Variants in MAP4K3 observed in about 807,000 individuals in gnomAD.
MAP4K3 encodes the protein MAPK/ERK kinase kinase kinase 3.
In MAP4K3, 94 loss-of-function variants were observed where a neutral mutation model predicts 143.5. The ratio of observed to expected loss-of-function variants is 0.65; its 90% confidence interval spans 0.55 to 0.78. The LOEUF (loss-of-function observed/expected upper bound fraction) is 0.78. Among genes scored for constraint, MAP4K3 ranks in the 30% least tolerant of loss-of-function variants. The pLI, the probability that MAP4K3 is intolerant of heterozygous loss-of-function variation, is 0.00. For missense variants in MAP4K3, 1,077 were observed against 1,068.1 expected (o/e 1.01, Z -0.12); for synonymous variants, 416 against 347.2 (o/e 1.20, Z -2.20).
intron 2 of MAP4K3, among the ~76,000 whole-genome samples, chr2:39,374,333 C>A (rs1666161339): frequency 6.6e-6 from 1 of 151,916 alleles, no homozygotes; most frequent in Non-Finnish European, 1.5e-5. Flanking sequence ...ACACCACTGC[C>A]TGGGTGACAG....
intron 2 of MAP4K3, among the ~76,000 whole-genome samples, chr2:39,368,001 G>T (rs1665970995): frequency 6.6e-6 from 1 of 152,124 alleles, no homozygotes. Context: ...GGCTTAACTT[G>T]AGCTTCCTGA....
At chr2:39,420,099 T>A (rs1667505391) in intron 1 of MAP4K3, among the ~76,000 whole-genome samples, 1 of 152,216 alleles carries the variant, frequency 6.6e-6, no homozygotes, top group South Asian at 2.1e-4. Flanking sequence ...AGAGAGATTC[T>A]AAGTCACCTA....
chr2:39,413,041 G>A (rs1470950783), intron 1 of MAP4K3, among the ~76,000 whole-genome samples: 2 of 152,142 alleles, frequency 1.3e-5, no homozygotes, highest in Admixed American at 6.5e-5. Flanking sequence ...AGTGACTAAC[G>A]AGGAGAAACC....
intron 13 of MAP4K3, among the ~76,000 whole-genome samples, chr2:39,310,170 T>C (rs1273541807): frequency 6.6e-6 from 1 of 152,256 alleles, no homozygotes; most frequent in Non-Finnish European, 1.5e-5. Flanking sequence ...TTAATTTCCC[T>C]ACTCTGCTAC....
At chr2:39,322,328 T>G (rs1257379524) in intron 12 of MAP4K3, among the ~76,000 whole-genome samples, 1 of 152,174 alleles carries the variant, frequency 6.6e-6, no homozygotes, top group Non-Finnish European at 1.5e-5. Context: ...GAGAACAGTT[T>G]TACCTTCCCG....
At chr2:39,425,113 A>AC (rs561561923) in intron 1 of MAP4K3, among the ~76,000 whole-genome samples, 3 of 134,940 alleles carry the variant, frequency 2.2e-5, no homozygotes, top group Admixed American at 7.7e-5. Flanking sequence ...ACTCCCCACC[A>AC]CCCCCCCAGC....
At chr2:39,436,242 C>G (rs1665470200) in intron 1 of MAP4K3, among the ~76,000 whole-genome samples, 1 of 151,078 alleles carries the variant, frequency 6.6e-6, no homozygotes, top group African/African-American at 2.4e-5. Context: ...CCTAAGTATT[C>G]AAGTCACTTT....
In MAP4K3 at chr2:39,251,816, G is replaced by C. The variant is rs1047913202; in HGVS notation, c.2597+14C>G. On this transcript the variant is annotated intron_variant, in intron 33 of 33. Coordinates refer to ENST00000263881, the MANE Select transcript of MAP4K3 (RefSeq NM_003618.4). ...CGTTTAGTACTGTGTATTTAATACA[G>C]TCCGTTTTCATACCTGTCAGATCCA... is the stretch of plus-strand genomic sequence containing the variant. 4 of 1,610,562 alleles carry C rather than the reference G, an allele frequency of 2.5e-6. No homozygotes were observed. The highest frequency in any genetic ancestry group is 1.7e-4 in the Middle Eastern group (1 of 6,002).
intron 23 of MAP4K3, among the ~76,000 whole-genome samples, chr2:39,278,936 C>G (rs1681392412): frequency 6.6e-6 from 1 of 152,146 alleles, no homozygotes; most frequent in African/African-American, 2.4e-5. Context: ...AATCTGACCA[C>G]AGTCTATTAA....
At chr2:39,384,642 A>C (rs1200291653) in intron 1 of MAP4K3, among the ~76,000 whole-genome samples, 1 of 152,268 alleles carries the variant, frequency 6.6e-6, no homozygotes, top group Non-Finnish European at 1.5e-5. Flanking sequence ...TATCCAATAC[A>C]TTAGCCCCAT....
chr2:39,398,000 AG>A (rs1357571084), intron 1 of MAP4K3, among the ~76,000 whole-genome samples: 1 of 152,130 alleles, frequency 6.6e-6, no homozygotes, highest in Admixed American at 6.6e-5. Context: ...CTGTAGGGAA[AG>A]GGGGGGCATT....
At chr2:39,385,583 TATATATATA>T (rs1666481215) in intron 1 of MAP4K3, among the ~76,000 whole-genome samples, 1 of 77,250 alleles carries the variant, frequency 1.3e-5, no homozygotes, top group Non-Finnish European at 3.2e-5. Context: ...TATATATATA[TATATATATA>T]TTCTATATAT....
At chr2:39,303,517 A>G (rs1682587040) in intron 15 of MAP4K3, among the ~76,000 whole-genome samples, 1 of 151,928 alleles carries the variant, frequency 6.6e-6, no homozygotes, top group Non-Finnish European at 1.5e-5. Context: ...GCCCCTACAT[A>G]GTCATTAACA....
chr2:39,265,153 G>A (rs1234247030), intron 28 of MAP4K3, 50 bp downstream of exon 28: 3 of 1,209,282 alleles, frequency 2.5e-6, no homozygotes, highest in Non-Finnish European at 3.6e-6. Flanking sequence ...GAACAGTAAG[G>A]TTGACAAGCT....
At chr2:39,405,787 A>T (rs964301836) in intron 1 of MAP4K3, among the ~76,000 whole-genome samples, 3 of 151,974 alleles carry the variant, frequency 2.0e-5, no homozygotes, top group African/African-American at 7.3e-5. Flanking sequence ...AGGATCACCT[A>T]CCTAAGCCTA....
chr2:39,294,743 A>G (rs764559377), intron 16 of MAP4K3, among the ~76,000 whole-genome samples: 70 of 152,270 alleles, frequency 4.6e-4, no homozygotes, highest in Non-Finnish European at 7.3e-5. Context: ...AATTTAGGAC[A>G]GAGTTGGGAC....
chr2:39,436,304 A>G lies in MAP4K3; in HGVS notation c.96+588T>C, dbSNP rs187093290. On this transcript the variant is annotated intron_variant, in intron 1 of 33. Coordinates refer to ENST00000263881, the MANE Select transcript of MAP4K3 (RefSeq NM_003618.4). ...CAGTCCAATTCGACTTAGAGAAAAC[A>G]AAGTTGCTCTTTCCAAAAAAAAAAA... Among the ~76,000 whole-genome samples the G allele has an allele frequency of 6.2e-3, 941 of 151,940 alleles. 5 individuals carry two copies. The highest frequency in any genetic ancestry group is 0.011 in the Non-Finnish European group (722 of 67,928).
Position 39,297,262 on chromosome 2 carries a change from C to T in MAP4K3, c.1178+2481G>A, listed in dbSNP as rs1047597163. On this transcript the variant is annotated intron_variant, in intron 16 of 33. Transcript: ENST00000263881. ...CCTCCCGAGTAGCTGGGACCTCAGG[C>T]GTGTGCCACCATGTCCAGCTAATTT... Among the ~76,000 whole-genome samples, 24 of 152,030 alleles carry T rather than the reference C, an allele frequency of 1.6e-4. 1 individual carries two copies. The South Asian group carries it at 4.8e-3, about 30-fold the overall frequency.
At position 39,296,533 on chromosome 2, in the gene MAP4K3, A is replaced by T. The variant is rs548769341; in HGVS notation, c.1178+3210T>A. Among the ~76,000 whole-genome samples the T allele has an allele frequency of 9.4e-4, 143 of 152,358 alleles. 1 individual carries two copies. The highest frequency in any genetic ancestry group is 3.1e-3 in the African/African-American group (128 of 41,580). ...AATGTTGACGAAAAGGTTAAAAATG[A>T]AACAATGTACAAACAGATATGGCAG... On this transcript the variant is annotated intron_variant, in intron 16 of 33. Coordinates refer to ENST00000263881, the MANE Select transcript of MAP4K3 (RefSeq NM_003618.4).
Sources: allele counts gnomAD v4.1 joint callset (sites outside exome capture counted in the v4.1 genomes callset), GRCh38; gene constraint gnomAD v4.1.1; transcripts MANE v1.5; gene names NCBI Gene and HGNC (gene_info 2026-07-23, HGNC 2026-07-21).